Variants in TLE4 observed in about 807,000 individuals in gnomAD.
The protein encoded by TLE4 is transducin-like enhancer protein 4.
Under a neutral mutation model 92.8 loss-of-function variants are expected in TLE4, and 8 were observed. The observed-to-expected ratio is 0.09, with a 90% confidence interval of 0.05 to 0.16. The LOEUF is 0.16. Ranked by LOEUF, TLE4 falls within the 10% of genes least tolerant of loss-of-function variation. TLE4 has a pLI of 1.00. For missense variants in TLE4, 675 were observed against 997.6 expected, an observed-to-expected ratio of 0.68 and a Z score of 4.36; for synonymous variants, 371 against 374.1, an observed-to-expected ratio of 0.99 and a Z score of 0.10.
intron 5 of TLE4, among the ~76,000 whole-genome samples, chr9:79,624,108 T>C (rs1335219772): frequency 1.3e-5 from 2 of 151,386 alleles, no homozygotes; most frequent in African/African-American, 4.9e-5. Flanking sequence ...GCCCTCATAG[T>C]TCTAAGAAGA....
chr9:79,706,944 T>A lies in TLE4; in HGVS notation c.936+45T>A, dbSNP rs769962665. The A allele has an allele frequency of 5.0e-6, 8 of 1,590,602 alleles. 1 individual carries two copies. In the South Asian group the frequency reaches 9.2e-5, roughly 18 times the overall value. Reference sequence around the variant, plus strand: ...CTCTCTGAGTGTGGCCTCTGCCAATTTGATGTTTGAATTTGATGTTTTTAT... The same window carrying A: ...CTCTCTGAGTGTGGCCTCTGCCAATATGATGTTTGAATTTGATGTTTTTAT... On this transcript the variant is annotated intron_variant, in intron 11 of 19. Coordinates refer to ENST00000376552, the MANE Select transcript of TLE4 (RefSeq NM_007005.6).
intron 8 of TLE4, among the ~76,000 whole-genome samples, chr9:79,678,118 T>C (rs2063632608): frequency 6.6e-6 from 1 of 152,106 alleles, no homozygotes; most frequent in Non-Finnish European, 1.5e-5. Flanking sequence ...ACTATAAATA[T>C]ATTAAATGAG....
intron 6 of TLE4, chr9:79,649,872 G>A: frequency 7.4e-7 from 1 of 1,359,062 alleles, no homozygotes; most frequent in Non-Finnish European, 9.8e-7. Flanking sequence ...TTGGGCTTTG[G>A]CTGAGGGCTT....
intron 8 of TLE4, among the ~76,000 whole-genome samples, chr9:79,684,199 A>G (rs2135368541): frequency 6.6e-6 from 1 of 152,136 alleles, no homozygotes; most frequent in East Asian, 1.9e-4. Context: ...GCTACATCTG[A>G]TTGGTCTCTG....
At chr9:79,638,829 CTT>C (rs2056540561) in intron 6 of TLE4, among the ~76,000 whole-genome samples, 1 of 152,094 alleles carries the variant, frequency 6.6e-6, no homozygotes, top group Non-Finnish European at 1.5e-5. Flanking sequence ...TCTTGGGTTT[CTT>C]TCAGCTAATA....
At position 79,722,552 on chromosome 9, in the gene TLE4, A is replaced by C. The variant is rs772267880; in HGVS notation, c.2088A>C (p.Gln696His). 1 of 1,614,234 alleles carries C rather than the reference A, an allele frequency of 6.2e-7. No individual in the cohort carries two copies. The highest frequency in any genetic ancestry group is 8.5e-7 in the Non-Finnish European group (1 of 1,180,040). ...VLHVTKPDKY[Q>H]LHLHESCVLS... ...ATGTCACCAAGCCAGACAAATACCA[A>C]CTACATCTTCATGAGAGCTGTGTGC... is the stretch of plus-strand genomic sequence containing the variant. Residue 696 changes from glutamine (Q) to histidine (H), a missense_variant, in exon 18 of 20, where the codon CAA (glutamine) becomes CAC (histidine). Transcript: ENST00000376552.
intron 8 of TLE4, among the ~76,000 whole-genome samples, chr9:79,698,136 C>A (rs2068768912): frequency 6.6e-6 from 1 of 152,246 alleles, no homozygotes; most frequent in South Asian, 2.1e-4. Flanking sequence ...CTCGTCTTAC[C>A]TACTGGAGAA....
chr9:79,725,109 G>A lies in TLE4; in HGVS notation c.2287G>A (p.Asp763Asn). 1 of 1,613,908 alleles carries A rather than the reference G, an allele frequency of 6.2e-7. No individual in the cohort carries two copies. The highest frequency in any genetic ancestry group is 8.5e-7 in the Non-Finnish European group (1 of 1,179,878). ...CAAATACATTGTCACTGGCTCTGGG[G>A]ATAAGAAGGCCACAGTTTATGAAGT... Reference protein sequence around the residue: ...DDKYIVTGSGDKKATVYEVIY With the variant: ...DDKYIVTGSGNKKATVYEVIY Residue 763 changes from aspartate (D) to asparagine (N), a missense_variant, in exon 20 of 20, where the codon GAT becomes AAT. Transcript: ENST00000376552.
intron 6 of TLE4, among the ~76,000 whole-genome samples, chr9:79,644,299 C>G (rs2057721462): frequency 6.6e-6 from 1 of 152,052 alleles, no homozygotes; most frequent in African/African-American, 2.4e-5. Flanking sequence ...CCTGAGGCCT[C>G]CCCAGCCGTG....
chr9:79,645,679 T>C (rs1043960420), intron 6 of TLE4, among the ~76,000 whole-genome samples: 2 of 152,252 alleles, frequency 1.3e-5, no homozygotes, highest in Non-Finnish European at 2.9e-5. Flanking sequence ...AGGCTGTGTC[T>C]GCCACTTCAT....
At chr9:79,585,869 G>GA (rs2040943347) in intron 4 of TLE4, among the ~76,000 whole-genome samples, 1 of 151,982 alleles carries the variant, frequency 6.6e-6, no homozygotes, top group African/African-American at 2.4e-5. Flanking sequence ...AACACAGTGA[G>GA]ACGCAGATGT....
chr9:79,695,179 C>T (rs1015937785), intron 8 of TLE4, among the ~76,000 whole-genome samples: 2 of 152,118 alleles, frequency 1.3e-5, no homozygotes, highest in Non-Finnish European at 2.9e-5. Flanking sequence ...GGGCACTGAC[C>T]TTGGGGGAGG....
chr9:79,596,749 G>C (rs746943775), intron 4 of TLE4, among the ~76,000 whole-genome samples: 2 of 152,092 alleles, frequency 1.3e-5, no homozygotes, highest in Admixed American at 1.3e-4. Context: ...GATTTTATTC[G>C]TAAGCCTACC....
chr9:79,628,378 A>G (rs1465797613), intron 6 of TLE4, among the ~76,000 whole-genome samples: 1 of 152,070 alleles, frequency 6.6e-6, no homozygotes. Context: ...TACTTTCATT[A>G]AAATTCAAAT....
rs546057233 is a variant in TLE4, at chr9:79,573,636, C to G, written c.46-53C>G. On this transcript the variant is annotated intron_variant, in intron 1 of 19. Transcript: ENST00000376552. ...GCCGCATAGTAGGTTTTCTCCGTCT[C>G]CCTGCTTCGCCTGTGATGTGGGCTA... 2.3e-4 allele frequency: 337 copies of G among 1,442,884 alleles called. 2 individuals are homozygous for G. Among genetic ancestry groups the G allele is most frequent in the African/African-American group, 2.1e-3 (148 of 71,112 alleles). The allele number at this position is 1,442,884 out of a possible 1,614,324, so 89.4% of individuals were successfully genotyped here. A position where few individuals can be genotyped will look rare whatever the true frequency, so the allele number is the denominator to read the frequency against.
intron 5 of TLE4, among the ~76,000 whole-genome samples, chr9:79,621,317 G>A (rs1248337195): frequency 2.0e-5 from 3 of 152,210 alleles, no homozygotes; most frequent in Non-Finnish European, 4.4e-5. Flanking sequence ...GGATGGATGA[G>A]TGGGCTAGAG....
chr9:79,601,292 A>G (rs2045590279), intron 4 of TLE4: 5 of 437,980 alleles, frequency 1.1e-5, no homozygotes, highest in South Asian at 6.5e-5. Context: ...GGGAAACTAA[A>G]TAAACCATAT....
intron 4 of TLE4, among the ~76,000 whole-genome samples, chr9:79,584,001 G>A (rs1049401502): frequency 6.6e-6 from 1 of 152,174 alleles, no homozygotes; most frequent in Non-Finnish European, 1.5e-5. Context: ...TAAGAGACTA[G>A]CCCAGTGTCA....
intron 4 of TLE4, among the ~76,000 whole-genome samples, chr9:79,583,506 G>A (rs1255175891): frequency 6.6e-6 from 1 of 152,194 alleles, no homozygotes; most frequent in African/African-American, 2.4e-5. Flanking sequence ...ACCTGGGCTG[G>A]CTGTGGTGTG....
Sources: allele counts gnomAD v4.1 joint callset (sites outside exome capture counted in the v4.1 genomes callset), GRCh38; gene constraint gnomAD v4.1.1; transcripts MANE v1.5; gene names NCBI Gene and HGNC (gene_info 2026-07-23, HGNC 2026-07-21).